The following MCM4 variants were observed in gnomAD, a reference collection of about 807,000 sequenced individuals.
MCM4 encodes the protein DNA replication licensing factor MCM4.
A neutral mutation model predicts 88.7 loss-of-function variants in MCM4; 60 were observed. The ratio of observed to expected loss-of-function variants is 0.68; its 90% CI spans 0.55 to 0.84. MCM4 has a LOEUF of 0.84. Among genes scored for constraint, MCM4 ranks in the 40% least tolerant of loss-of-function variants. The pLI is 0.00. For synonymous variants in MCM4, 465 were observed against 410.5 expected, an observed-to-expected ratio of 1.13 and a Z score of -1.61; for missense variants, 1,149 against 1,105.5, an observed-to-expected ratio of 1.04 and a Z score of -0.56.
chr8:47,960,979 C>G lies in MCM4; in HGVS notation c.-50C>G. The G allele has an allele frequency of 3.0e-6, 2 of 657,952 alleles. No homozygotes were observed. The highest frequency in any genetic ancestry group is 7.1e-5 in the East Asian group (2 of 28,344). The allele number at this position is 657,952 out of a possible 1,614,324, so 40.8% of individuals were successfully genotyped here. ...GCTACTCGCCAGGTGGACTCGGAGT[C>G]CGCGAGCGTCGTCGGCAAGCGGCCG... On this transcript the variant is annotated 5_prime_UTR_variant, in exon 1 of 17. Coordinates refer to ENST00000649973, the MANE Select transcript of MCM4 (RefSeq NM_182746.3).
At chr8:47,964,838 T>C (rs1247924086) in intron 8 of MCM4, 126 bp downstream of exon 8, 1 of 731,708 alleles carries the variant, frequency 1.4e-6, no homozygotes, top group East Asian at 2.8e-5. Flanking sequence ...GGATTATAAA[T>C]TGACAATAAT....
chr8:47,967,011 T>C (rs2090904873), intron 9 of MCM4, among the ~76,000 whole-genome samples: 1 of 152,210 alleles, frequency 6.6e-6, no homozygotes, highest in Non-Finnish European at 1.5e-5. Flanking sequence ...GCACATGGCC[T>C]CCTATTCTCA....
At chr8:47,963,708 GACTTTT>G (rs1328669466) in intron 7 of MCM4, among the ~76,000 whole-genome samples, 2 of 152,104 alleles carry the variant, frequency 1.3e-5, no homozygotes, top group Non-Finnish European at 2.9e-5. Context: ...TTGTACTGTA[GACTTTT>G]ACTTCTAAGC....
chr8:47,974,174 C>T (rs2090980362), intron 14 of MCM4: 1 of 152,730 alleles, frequency 6.5e-6, no homozygotes, highest in South Asian at 2.1e-4. Flanking sequence ...CCTAACTGAG[C>T]TCCTAAAAAT....
chr8:47,974,564 A>T, intron 14 of MCM4, 170 bp from the exon 15 acceptor site: 3 of 632,872 alleles, frequency 4.7e-6, no homozygotes, highest in Non-Finnish European at 8.6e-6. Flanking sequence ...TTCACCTGCG[A>T]TTTCTGTGGT....
At chr8:47,967,615 G>A (rs1345376706) in intron 10 of MCM4, 130 bp downstream of exon 10, 5 of 1,202,484 alleles carry the variant, frequency 4.2e-6, no homozygotes, top group Non-Finnish European at 6.0e-6. Context: ...CTTTGAGACT[G>A]TGGGGTATAT....
rs766746296 is a variant in MCM4, at chr8:47,962,225, G to A, written c.399+9G>A. The A allele has an allele frequency of 6.2e-7, 1 of 1,614,168 alleles. No individual in the cohort carries two copies. Among genetic ancestry groups the A allele is most frequent in the South Asian group, 1.1e-5 (1 of 91,088 alleles). ...ATCTGCAGTCTGACGGGGTGAGTAT[G>A]CAGTCTCCTGAAACCATCTTATGGC... On this transcript the variant is annotated intron_variant, in intron 4 of 16. Coordinates refer to ENST00000649973, the MANE Select transcript of MCM4 (RefSeq NM_182746.3).
intron 5 of MCM4, 72 bp downstream of exon 5, chr8:47,962,478 C>T: frequency 4.7e-6 from 7 of 1,476,396 alleles, no homozygotes; most frequent in Non-Finnish European, 6.6e-6. Context: ...TAATCTATAT[C>T]TAAGTAGCCA....
chr8:47,976,714 C>T lies in MCM4; in HGVS notation c.2528C>T (p.Ala843Val). The T allele has an allele frequency of 1.2e-6, 2 of 1,613,334 alleles. No homozygotes were observed. The highest frequency in any genetic ancestry group is 1.7e-6 in the Non-Finnish European group (2 of 1,179,436). The change falls in exon 17 of 17, where the codon GCA becomes GTA. Residue 843 changes from alanine to valine, a missense_variant. Physicochemically the swap from Ala to Val is moderately conservative, Grantham distance 64 (BLOSUM62 0). Around this residue, in one of 3 missense-constraint regions of MCM4, gnomAD observed 238 missense variants for 241.6 expected, o/e 0.99. Transcript: ENST00000649973. ...ATTACTAAAGATATGTTTGAAGAAG[C>T]ACTGCGTGCCCTGGCAGATGATGAT... Reference protein sequence around the residue: ...IAITKDMFEEALRALADDDFL... With the variant: ...IAITKDMFEEVLRALADDDFL...
chr8:47,976,448 C>G (rs1056126901), intron 16 of MCM4, among the ~76,000 whole-genome samples: 1 of 152,138 alleles, frequency 6.6e-6, no homozygotes, highest in Non-Finnish European at 1.5e-5. Context: ...CACTTTCCAT[C>G]GCTGTGTTGT....
intron 2 of MCM4, 101 bp downstream of exon 2, chr8:47,961,315 T>C (rs1589826340): frequency 1.4e-6 from 2 of 1,430,370 alleles, no homozygotes; most frequent in East Asian, 2.7e-5. Flanking sequence ...ACCCGGGCGC[T>C]CAGCCTCGGG....
chr8:47,972,787 C>G, intron 13 of MCM4, 70 bp from the exon 14 acceptor site: 1 of 1,264,260 alleles, frequency 7.9e-7, no homozygotes, highest in Non-Finnish European at 1.1e-6. Context: ...AAACTACCAA[C>G]CTCAGGTGAT....
Position 47,974,788 on chromosome 8 carries a change from C to T in MCM4, c.2191C>T (p.Pro731Ser). ...GSSRGMVSAY[P>S]RQLESLIRLA... is the part of the protein sequence containing the mutation. ...TAGCCGGGGAATGGTTTCTGCATAC[C>T]CTCGACAGCTAGAGTCATTAATCCG... is the stretch of plus-strand genomic sequence containing the variant. The change falls in exon 15 of 17, where the codon CCT becomes TCT. Residue 731 changes from proline (P) to serine (S), a missense_variant. Around this residue, in one of 3 missense-constraint regions of MCM4, gnomAD observed 238 missense variants for 241.6 expected, o/e 0.99. Transcript: ENST00000649973. The T allele has an allele frequency of 1.2e-6, 2 of 1,614,146 alleles. No homozygotes were observed. The highest frequency in any genetic ancestry group is 8.5e-7 in the Non-Finnish European group (1 of 1,180,034).
intron 16 of MCM4, among the ~76,000 whole-genome samples, chr8:47,976,304 AAAAG>A (rs987497763): frequency 6.6e-6 from 1 of 152,070 alleles, no homozygotes; most frequent in African/African-American, 2.4e-5. Flanking sequence ...AAAAAAAAAA[AAAAG>A]AAAAAATTGT....
rs772745307 is a variant in MCM4 at position 47,962,874 on chromosome 8, T to C, written c.597+15T>C. 6.9e-6 allele frequency: 11 copies of C among 1,584,476 alleles called. No individual in the cohort carries two copies. The highest frequency in any genetic ancestry group is 6.9e-6 in the Non-Finnish European group (8 of 1,163,928). ...GACTTGGGGAGGTAATCAAATACTC[T>C]TTAAATTCAAGTTACGTGTTTTAAA... On this transcript the variant is annotated intron_variant, in intron 6 of 16. Transcript: ENST00000649973.
chr8:47,962,123 C>T lies in MCM4; in HGVS notation c.306C>T (p.Thr102=). ...CTCCCAGCTCTCGGGTAGAGGGAAC[C>T]CCAAGAAGTGGTGTTAGGGGCACAC... ...YGTPSSRVEG[T]PRSGVRGTPV... Residue 102 remains threonine, a synonymous_variant, in exon 4 of 17, where the codon ACC becomes ACT. Transcript: ENST00000649973. 1 of 1,614,094 alleles carries T rather than the reference C, an allele frequency of 6.2e-7. No homozygotes were observed. The highest frequency in any genetic ancestry group is 8.5e-7 in the Non-Finnish European group (1 of 1,179,980).
chr8:47,966,445 C>T lies in MCM4; in HGVS notation c.1053+38C>T, dbSNP rs769864565. 1.9e-6 allele frequency: 3 copies of T among 1,552,006 alleles called. No individual in the cohort carries two copies. The South Asian group carries it at 3.5e-5, about 18-fold the overall frequency. ...CCTGGCCCCCCAGGCTATGCTTTGC[C>T]TGTCTGTATCCTCAAAAGGCCAACT... On this transcript the variant is annotated intron_variant, in intron 9 of 16. Transcript: ENST00000649973.
At chr8:47,969,729 C>A in intron 10 of MCM4, 69 bp from the exon 11 acceptor site, 1 of 1,547,954 alleles carries the variant, frequency 6.5e-7, no homozygotes, top group Non-Finnish European at 8.9e-7. Flanking sequence ...CTGTTGCCTA[C>A]GCTGGTTGCT....
intron 16 of MCM4, 138 bp from the exon 17 acceptor site, chr8:47,976,548 T>G (rs1192258740): frequency 7.0e-6 from 4 of 569,456 alleles, no homozygotes; most frequent in Admixed American, 2.8e-5. Flanking sequence ...ACTCCTGATT[T>G]AGAGCATAAG....
Sources: allele counts gnomAD v4.1 joint callset (sites outside exome capture counted in the v4.1 genomes callset), GRCh38; gene constraint gnomAD v4.1.1; regional missense constraint gnomAD v4.1.1; transcripts MANE v1.5; gene names NCBI Gene and HGNC (gene_info 2026-07-23, HGNC 2026-07-21).